PHACTR1: variants seen among roughly 807,000 people sequenced by gnomAD.
PHACTR1 encodes the protein phosphatase and actin regulator 1.
PHACTR1 carries 16 observed loss-of-function variants against 69.2 expected under a neutral mutation model. The ratio of observed to expected loss-of-function variants is 0.23; its 90% CI spans 0.16 to 0.35. The LOEUF (loss-of-function observed/expected upper bound fraction) is 0.35. Ranked by LOEUF, PHACTR1 falls within the 10% of genes least tolerant of loss-of-function variation. PHACTR1 has a pLI of 1.00. For synonymous variants in PHACTR1, 312 were observed against 284.5 expected, an observed-to-expected ratio of 1.10 and a Z score of -0.97; for missense variants, 510 against 734.7, an observed-to-expected ratio of 0.69 and a Z score of 3.54.
intron 6 of PHACTR1, among the ~76,000 whole-genome samples, chr6:13,161,885 T>C: frequency 6.6e-6 from 1 of 152,186 alleles, no homozygotes; most frequent in East Asian, 1.9e-4. Flanking sequence ...TGAAGGTGCA[T>C]GATTCCAAAC....
At chr6:13,210,911 C>A in intron 8 of PHACTR1, among the ~76,000 whole-genome samples, 2 of 72,930 alleles carry the variant, frequency 2.7e-5, no homozygotes, top group South Asian at 6.2e-4. Flanking sequence ...TTTATCATTT[C>A]TTTTTTTTTT....
chr6:13,188,422 G>A (rs574004232), intron 7 of PHACTR1, among the ~76,000 whole-genome samples: 12 of 152,152 alleles, frequency 7.9e-5, no homozygotes, highest in Non-Finnish European at 1.2e-4. Flanking sequence ...TCTAAATTGA[G>A]ACTCATGAGT....
chr6:13,029,389 A>G (rs564199918), intron 4 of PHACTR1, among the ~76,000 whole-genome samples: 1 of 152,180 alleles, frequency 6.6e-6, no homozygotes, highest in East Asian at 1.9e-4. Flanking sequence ...TGCAGAAGGG[A>G]TGGGGAATTG....
chr6:13,283,414 CCCTG>C lies in PHACTR1; in HGVS notation c.1510-6_1510-3del. The C allele has an allele frequency of 6.2e-7, 1 of 1,613,278 alleles. No individual in the cohort carries two copies. Among genetic ancestry groups the C allele is most frequent in the Non-Finnish European group, 8.5e-7 (1 of 1,179,696 alleles). On this transcript the variant is annotated splice_region_variant and splice_polypyrimidine_tract_variant and intron_variant, in intron 12 of 14. Coordinates refer to ENST00000332995, the MANE Select transcript of PHACTR1 (RefSeq NM_030948.6). The surrounding 1 kb of genome is among the most constrained non-coding windows in gnomAD (Gnocchi z 4.7). ...GCTGACTGGGTCCATCTCTCTCCCT[CCCTG>C]CAGCTCAGTCAAAGGCCCACGGTGG...
intron 10 of PHACTR1, among the ~76,000 whole-genome samples, chr6:13,271,273 G>C (rs1777652241): frequency 6.6e-6 from 1 of 152,140 alleles, no homozygotes; most frequent in Admixed American, 6.5e-5. Flanking sequence ...CAAGCCATGA[G>C]GGCTCCCCAT....
intron 4 of PHACTR1, among the ~76,000 whole-genome samples, chr6:12,847,830 A>T (rs1164813084): frequency 6.6e-6 from 1 of 152,198 alleles, no homozygotes; most frequent in Non-Finnish European, 1.5e-5. Flanking sequence ...AATTAATTTT[A>T]AAAAATTAAA....
intron 6 of PHACTR1, among the ~76,000 whole-genome samples, chr6:13,180,758 C>G (rs537947248): frequency 3.7e-4 from 56 of 152,284 alleles, no homozygotes; most frequent in African/African-American, 1.3e-3. Flanking sequence ...TCTGTTTGAA[C>G]ATGCTAAATA....
intron 5 of PHACTR1, among the ~76,000 whole-genome samples, chr6:13,141,754 T>C (rs1033104430): frequency 6.9e-6 from 1 of 145,484 alleles, no homozygotes; most frequent in Non-Finnish European, 1.5e-5. Context: ...GTTGTGCTTG[T>C]TTTTCAGCTT....
intron 5 of PHACTR1, among the ~76,000 whole-genome samples, chr6:13,102,569 A>G (rs1241663246): frequency 1.3e-5 from 2 of 152,298 alleles, no homozygotes; most frequent in Middle Eastern, 3.4e-3. Flanking sequence ...TTTGGTGTCA[A>G]TTTTGGTGTG....
chr6:12,894,909 T>G (rs1784504400), intron 4 of PHACTR1, among the ~76,000 whole-genome samples: 1 of 152,212 alleles, frequency 6.6e-6, no homozygotes, highest in African/African-American at 2.4e-5. Flanking sequence ...TATGCTTATA[T>G]GTAATAAAAT....
intron 4 of PHACTR1, among the ~76,000 whole-genome samples, chr6:12,894,090 A>G (rs1185883804): frequency 6.6e-6 from 1 of 152,200 alleles, no homozygotes; most frequent in African/African-American, 2.4e-5. Context: ...GCTACTTTCA[A>G]TATTGCAGTT....
At chr6:12,810,472 T>C (rs1774895867) in intron 4 of PHACTR1, among the ~76,000 whole-genome samples, 1 of 152,228 alleles carries the variant, frequency 6.6e-6, no homozygotes, top group Admixed American at 6.5e-5. Flanking sequence ...GGTTTCCAGA[T>C]GCAGAGATGC....
chr6:12,816,388 A>T (rs1372728483), intron 4 of PHACTR1, among the ~76,000 whole-genome samples: 1 of 152,186 alleles, frequency 6.6e-6, no homozygotes, highest in Non-Finnish European at 1.5e-5. Flanking sequence ...TTTTAGTCTT[A>T]TGTAATTAAA....
chr6:13,277,997 C>A, intron 11 of PHACTR1: 1 of 232,546 alleles, frequency 4.3e-6, no homozygotes, highest in Non-Finnish European at 8.6e-6. Context: ...CATTTCTCAA[C>A]CCAGCATCTC....
chr6:13,184,821 C>A, intron 7 of PHACTR1: 1 of 1,366,616 alleles, frequency 7.3e-7, no homozygotes, highest in Non-Finnish European at 9.8e-7. Context: ...GTCCCTCTGC[C>A]AGTGAGTCTG....
intron 3 of PHACTR1, among the ~76,000 whole-genome samples, chr6:12,737,829 A>G (rs892571887): frequency 1.3e-5 from 2 of 152,122 alleles, no homozygotes; most frequent in Non-Finnish European, 2.9e-5. Flanking sequence ...CTCCTGGCCT[A>G]AAGTGATCCT....
At chr6:12,922,724 TA>T (rs1338836461) in intron 4 of PHACTR1, among the ~76,000 whole-genome samples, 2 of 152,190 alleles carry the variant, frequency 1.3e-5, no homozygotes. Flanking sequence ...TGGAAGTAAA[TA>T]CCTTCTAAGT....
At position 13,170,233 on chromosome 6, in the gene PHACTR1, G is replaced by A. The variant is rs189387472; in HGVS notation, c.496+9949G>A. ...TCATGTCTCATAGATGAAAATTTGC[G>A]CAGATAACCATCAGATATTTTCCTC... is the stretch of plus-strand genomic sequence containing the variant. On this transcript the variant is annotated intron_variant, in intron 6 of 14. Transcript: ENST00000332995. Among the ~76,000 whole-genome samples the A allele has an allele frequency of 1.6e-4, 25 of 152,270 alleles. No individual in the cohort carries two copies. The East Asian group carries it at 1.9e-3, about 12-fold the overall frequency.
At chr6:13,062,003 G>T (rs114069733) in intron 5 of PHACTR1, among the ~76,000 whole-genome samples, 2,838 of 152,198 alleles carry the variant, frequency 0.019, 89 homozygotes, top group African/African-American at 0.064. Context: ...ATAATTGATT[G>T]CTTGTTCATC....
Sources: allele counts gnomAD v4.1 joint callset (sites outside exome capture counted in the v4.1 genomes callset), GRCh38; gene constraint gnomAD v4.1.1; non-coding constraint Gnocchi (gnomAD v3.1); transcripts MANE v1.5; gene names NCBI Gene and HGNC (gene_info 2026-07-23, HGNC 2026-07-21).